FOXP2: variants seen among roughly 807,000 people sequenced by gnomAD.
FOXP2 encodes the protein forkhead box P2, also known as forkhead box protein P2.
FOXP2 carries 12 observed loss-of-function variants against 115.8 expected under a neutral mutation model. That is an observed-to-expected ratio of 0.10 (90% CI 0.07 to 0.17). The LOEUF (loss-of-function observed/expected upper bound fraction) is 0.17, where lower values mean the gene tolerates loss of function less well. Among genes scored for constraint, FOXP2 ranks in the 10% least tolerant of loss-of-function variants. The pLI, the probability that FOXP2 is intolerant of heterozygous loss-of-function variation, is 1.00. For synonymous variants in FOXP2, 328 were observed against 297.7 expected (o/e 1.10, Z -1.05); for missense variants, 629 against 843.5 (o/e 0.75, Z 3.15).
Position 114,389,401 on chromosome 7 carries a change from G to A in FOXP2, c.-10-37101G>A, listed in dbSNP as rs147171066. On this transcript the variant is annotated intron_variant, in intron 2 of 17. Coordinates refer to the FOXP2 transcript ENST00000634411. ...TGGGGCCTTAAAGAAATGTTATTCC[G>A]GGTTATTGACAGACTATTGGTTGTG... is the stretch of plus-strand genomic sequence containing the variant. Among the ~76,000 whole-genome samples the A allele has an allele frequency of 1.3e-3, 204 of 152,222 alleles. 1 individual carries two copies. In the South Asian group the frequency reaches 0.017, roughly 13 times the overall value.
rs117919489 is a variant in FOXP2 at position 114,198,939 on chromosome 7, G to A, written c.-102+35851G>A. Among the ~76,000 whole-genome samples, 1,154 of 152,240 alleles carry A rather than the reference G, an allele frequency of 7.6e-3. 10 individuals are homozygous for A. Among genetic ancestry groups the A allele is most frequent in the Middle Eastern group, 0.034 (10 of 292 alleles). ...GGAGGCAGAATTTCCTCTTTTTCGGGTCCTCTTTTTACTTTTAAGGCCTTC... is the reference window on the plus strand; with the variant it reads ...GGAGGCAGAATTTCCTCTTTTTCGGATCCTCTTTTTACTTTTAAGGCCTTC... On this transcript the variant is annotated intron_variant, in intron 1 of 17. Transcript: ENST00000634411.
intron 16 of FOXP2, among the ~76,000 whole-genome samples, chr7:114,688,075 A>G (rs1473588948): frequency 3.3e-5 from 5 of 151,914 alleles, no homozygotes; most frequent in Admixed American, 6.6e-5. Context: ...TTTGTGAAGT[A>G]AAAAATGAGA....
At chr7:114,199,032 T>C (rs1446521836) in intron 1 of FOXP2, among the ~76,000 whole-genome samples, 1 of 152,188 alleles carries the variant, frequency 6.6e-6, no homozygotes, top group African/African-American at 2.4e-5. Context: ...CTTTGTTTTT[T>C]AGATAAGGTC....
At chr7:114,373,485 G>A (rs1010752765) in intron 2 of FOXP2, among the ~76,000 whole-genome samples, 1 of 152,162 alleles carries the variant, frequency 6.6e-6, no homozygotes, top group African/African-American at 2.4e-5. Flanking sequence ...ACTCCAAAGG[G>A]AATGCTCTTT....
At chr7:114,580,865 T>C (rs1256025088) in intron 3 of FOXP2, among the ~76,000 whole-genome samples, 1 of 152,036 alleles carries the variant, frequency 6.6e-6, no homozygotes, top group Non-Finnish European at 1.5e-5. Flanking sequence ...GAGTTGGAGA[T>C]GATGCATTTT....
intron 1 of FOXP2, among the ~76,000 whole-genome samples, chr7:114,238,633 A>C (rs1444861518): frequency 6.6e-6 from 1 of 151,994 alleles, no homozygotes. Context: ...TTAGCTGGGC[A>C]TGGTGGTTCG....
At position 114,174,665 on chromosome 7, in the gene FOXP2, G is replaced by T. The variant is rs111739061; in HGVS notation, c.-102+11577G>T. 9.6e-3 allele frequency among the ~76,000 whole-genome samples: 1,461 copies of T among 152,096 alleles called. 32 individuals carry two copies. Among genetic ancestry groups the T allele is most frequent in the African/African-American group, 0.033 (1,389 of 41,540 alleles). On this transcript the variant is annotated intron_variant, in intron 1 of 17. Transcript: ENST00000634411. ...TTTATTTATTAAATGTCCAAAAAGAGAAGTGTCAGTTTTGACAAGATGGAA... is the reference window on the plus strand; with the variant it reads ...TTTATTTATTAAATGTCCAAAAAGATAAGTGTCAGTTTTGACAAGATGGAA...
intron 1 of FOXP2, among the ~76,000 whole-genome samples, chr7:114,216,820 G>T (rs907103643): frequency 2.0e-5 from 3 of 152,020 alleles, no homozygotes; most frequent in South Asian, 4.1e-4. Flanking sequence ...TGAAACAAAA[G>T]AAAACTACAT....
rs542262088 is a variant in FOXP2 at position 114,608,969 on chromosome 7, C to T, written c.259-19571C>T. Among the ~76,000 whole-genome samples the T allele has an allele frequency of 5.3e-5, 8 of 151,956 alleles. No individual in the cohort carries two copies. The South Asian group carries it at 1.7e-3, about 32-fold the overall frequency. On this transcript the variant is annotated intron_variant, in intron 3 of 16. Transcript: ENST00000350908. ...ATCCCAGCACTTTGGAAGGCCGAGG[C>T]GGGCGGATCACCTGAGGTCAGGGTT...
intron 1 of FOXP2, among the ~76,000 whole-genome samples, chr7:114,143,481 T>G (rs10278636): frequency 0.82 from 124,720 of 151,886 alleles, 52,409 homozygotes; most frequent in Non-Finnish European, 0.92. Context: ...CTATTTGGAT[T>G]GGTATGACAA....
At chr7:114,329,450 C>T (rs554056480) in intron 2 of FOXP2, among the ~76,000 whole-genome samples, 7 of 144,916 alleles carry the variant, frequency 4.8e-5, no homozygotes, top group African/African-American at 7.7e-5. Context: ...ACCCAGGAGG[C>T]GGAGGTTGCA....
intron 1 of FOXP2, among the ~76,000 whole-genome samples, chr7:114,120,352 C>T (rs967941616): frequency 1.3e-5 from 2 of 152,020 alleles, no homozygotes; most frequent in African/African-American, 4.8e-5. Flanking sequence ...ATGGCAAATC[C>T]AGTAAATTTC....
At chr7:114,100,509 G>A (rs2129140534) in intron 1 of FOXP2, among the ~76,000 whole-genome samples, 1 of 152,138 alleles carries the variant, frequency 6.6e-6, no homozygotes, top group Non-Finnish European at 1.5e-5. Context: ...TATTCTTAAA[G>A]TAAGATTTGT....
At chr7:114,305,891 A>T (rs1797002684) in intron 2 of FOXP2, among the ~76,000 whole-genome samples, 1 of 151,014 alleles carries the variant, frequency 6.6e-6, no homozygotes, top group Non-Finnish European at 1.5e-5. Flanking sequence ...AATAAATAGA[A>T]GAACCAGACT....
intron 2 of FOXP2, among the ~76,000 whole-genome samples, chr7:114,437,892 C>A (rs145827461): frequency 6.6e-6 from 1 of 152,040 alleles, no homozygotes; most frequent in African/African-American, 2.4e-5. Context: ...AACACATGAA[C>A]GTGACTATTC....
At position 114,653,938 on chromosome 7, in the gene FOXP2, C is replaced by A. The variant is rs778748061; in HGVS notation, c.1195C>A (p.Arg399Ser). 6.2e-7 allele frequency: 1 copy of A among 1,612,776 alleles called. No individual in the cohort carries two copies. The highest frequency in any genetic ancestry group is 1.3e-5 in the African/African-American group (1 of 74,852). Residue 399 changes from arginine (R) to serine (S), a missense_variant, in exon 10 of 17, where the codon CGC becomes AGC. Arg to Ser is a moderately radical substitution (Grantham distance 110, BLOSUM62 -1). Transcript: ENST00000350908. ...QQLEIQLSKE[R>S]ERLQAMMTHL... The stretch of plus-strand genomic sequence containing the variant: ...TCTTTCTTAACAGCTTTCTAAAGAA[C>A]GCGAACGTCTTCAAGCAATGATGAC...
intron 2 of FOXP2, among the ~76,000 whole-genome samples, chr7:114,400,025 C>A (rs911888123): frequency 2.0e-5 from 3 of 151,512 alleles, no homozygotes; most frequent in African/African-American, 7.3e-5. Context: ...CCTGGCTAAT[C>A]TCTGTATTTT....
At chr7:114,631,432 C>G in intron 5 of FOXP2, 96 bp from the exon 6 acceptor site, 1 of 1,538,914 alleles carries the variant, frequency 6.5e-7, no homozygotes, top group South Asian at 1.2e-5. Flanking sequence ...AAAAAACCCA[C>G]TCAGGCAATG....
At chr7:114,476,478 C>T (rs934332723) in intron 2 of FOXP2, among the ~76,000 whole-genome samples, 15 of 151,716 alleles carry the variant, frequency 9.9e-5, no homozygotes, top group African/African-American at 2.9e-4. Context: ...TATTGTTCTA[C>T]GTGTCTGTTT....
Sources: gnomAD v4.1 joint callset for allele counts (sites outside exome capture counted in the v4.1 genomes callset) on GRCh38, gnomAD v4.1.1 for gene constraint, MANE v1.5 for transcripts, NCBI Gene and HGNC (gene_info 2026-07-23, HGNC 2026-07-21) for gene names.